Variants in TAOK3 observed in about 807,000 individuals in gnomAD.
TAOK3 encodes TAO kinase 3, also known as serine/threonine-protein kinase TAO3.
Under a neutral mutation model 120.4 loss-of-function variants are expected in TAOK3, and 40 were observed. The ratio of observed to expected loss-of-function variants is 0.33; its 90% CI spans 0.26 to 0.43. The LOEUF (loss-of-function observed/expected upper bound fraction) is 0.43. Among genes scored for constraint, TAOK3 ranks in the 20% least tolerant of loss-of-function variants. The pLI, the probability that TAOK3 is intolerant of heterozygous loss-of-function variation, is 1.00. For missense variants in TAOK3, 821 were observed against 1,112.1 expected, an observed-to-expected ratio of 0.74 and a Z score of 3.72; for synonymous variants, 355 against 387.5, an observed-to-expected ratio of 0.92 and a Z score of 0.99.
intron 1 of TAOK3, among the ~76,000 whole-genome samples, chr12:118,342,935 T>C: frequency 1.7e-5 from 1 of 59,686 alleles, no homozygotes; most frequent in South Asian, 6.1e-4. Flanking sequence ...CTCTGTCTGC[T>C]AAAAAAAAAA....
chr12:118,285,880 T>C (rs1461260257), intron 1 of TAOK3, among the ~76,000 whole-genome samples: 1 of 152,136 alleles, frequency 6.6e-6, no homozygotes, highest in African/African-American at 2.4e-5. Flanking sequence ...AGATGAATAT[T>C]GGTTTGGCCT....
chr12:118,173,599 T>C (rs1203343045), intron 16 of TAOK3, among the ~76,000 whole-genome samples: 3 of 152,224 alleles, frequency 2.0e-5, no homozygotes, highest in Non-Finnish European at 2.9e-5. Context: ...ATGTCACTAG[T>C]TTGAATTTTA....
intron 1 of TAOK3, among the ~76,000 whole-genome samples, chr12:118,321,829 G>A (rs1447441783): frequency 1.3e-5 from 2 of 151,844 alleles, no homozygotes; most frequent in East Asian, 3.9e-4. Flanking sequence ...TTTTATTTTT[G>A]CAAGTTTTTT....
intron 17 of TAOK3, among the ~76,000 whole-genome samples, chr12:118,167,816 A>G (rs1372601743): frequency 6.6e-6 from 1 of 152,140 alleles, no homozygotes; most frequent in Admixed American, 6.5e-5. Flanking sequence ...CAAAGACAAA[A>G]AGTGGTTGGA....
intron 13 of TAOK3, among the ~76,000 whole-genome samples, chr12:118,196,899 A>G (rs1002392914): frequency 1.1e-4 from 17 of 152,344 alleles, no homozygotes; most frequent in Admixed American, 9.1e-4. Flanking sequence ...GTAAAATAAA[A>G]CTAACAGAGG....
At chr12:118,205,114 G>A (rs1386261114) in intron 11 of TAOK3, among the ~76,000 whole-genome samples, 1 of 152,072 alleles carries the variant, frequency 6.6e-6, no homozygotes, top group Non-Finnish European at 1.5e-5. Context: ...AGGCTGAAGT[G>A]AGCCGAGATC....
intron 5 of TAOK3, among the ~76,000 whole-genome samples, chr12:118,240,923 T>C (rs762774204): frequency 6.6e-6 from 1 of 151,276 alleles, no homozygotes; most frequent in African/African-American, 2.4e-5. Context: ...ATTTAGAATA[T>C]GTGATGTCTA....
rs2045878901 is a variant in TAOK3 at position 118,371,109 on chromosome 12, G to A, written c.-194+1539C>T. Among the ~76,000 whole-genome samples the A allele has an allele frequency of 6.6e-6, 1 of 152,156 alleles. No individual in the cohort carries two copies. On this transcript the variant is annotated intron_variant, in intron 1 of 20. Transcript: ENST00000392533. The surrounding 1 kb of genome is among the most constrained non-coding windows in gnomAD (Gnocchi z 5.5). The stretch of plus-strand genomic sequence containing the variant: ...GCATTGTAAACATTGATACTGATAT[G>A]CTGCCAAATCTAAAAAAGTTTCTTA...
chr12:118,281,763 A>G (rs897874632), intron 1 of TAOK3, among the ~76,000 whole-genome samples: 1 of 151,990 alleles, frequency 6.6e-6, no homozygotes, highest in Admixed American at 6.5e-5. Context: ...AGAAAAAAAA[A>G]AAAGAAAAAA....
intron 9 of TAOK3, among the ~76,000 whole-genome samples, chr12:118,220,665 C>T (rs960380163): frequency 5.9e-5 from 9 of 151,884 alleles, no homozygotes; most frequent in Non-Finnish European, 1.0e-4. Context: ...AGAACAAAAA[C>T]ACAAAGAAAA....
intron 14 of TAOK3, among the ~76,000 whole-genome samples, chr12:118,183,683 ATACC>A (rs2036905037): frequency 6.6e-6 from 1 of 152,220 alleles, no homozygotes; most frequent in Non-Finnish European, 1.5e-5. Context: ...AATGGAAAGG[ATACC>A]ATTTAGTCCT....
At chr12:118,301,038 A>T (rs1341386321) in intron 1 of TAOK3, among the ~76,000 whole-genome samples, 8 of 152,162 alleles carry the variant, frequency 5.3e-5, no homozygotes, top group Admixed American at 5.2e-4. Context: ...AGCCTCCCAA[A>T]GTGCTGGGAT....
intron 14 of TAOK3, among the ~76,000 whole-genome samples, chr12:118,187,022 T>C (rs2037117889): frequency 6.6e-6 from 1 of 152,234 alleles, no homozygotes; most frequent in African/African-American, 2.4e-5. Flanking sequence ...TAGGCTTATG[T>C]TGAAGAAGTA....
At chr12:118,168,525 C>T (rs1236177830) in intron 17 of TAOK3, among the ~76,000 whole-genome samples, 2 of 152,158 alleles carry the variant, frequency 1.3e-5, no homozygotes, top group African/African-American at 4.8e-5. Context: ...AGAACTTTCA[C>T]TACTTAGCTT....
At chr12:118,326,718 T>A (rs976080258) in intron 1 of TAOK3, among the ~76,000 whole-genome samples, 1 of 152,198 alleles carries the variant, frequency 6.6e-6, no homozygotes, top group Admixed American at 6.5e-5. Context: ...ATTAGGCAGT[T>A]TATTAGTTCT....
At chr12:118,277,800 A>T (rs1203601714) in intron 1 of TAOK3, among the ~76,000 whole-genome samples, 1 of 152,116 alleles carries the variant, frequency 6.6e-6, no homozygotes, top group East Asian at 1.9e-4. Flanking sequence ...AAATGAAAAC[A>T]TAACATTAAA....
At chr12:118,215,790 A>G (rs1007198780) in intron 9 of TAOK3, among the ~76,000 whole-genome samples, 3 of 152,148 alleles carry the variant, frequency 2.0e-5, no homozygotes, top group African/African-American at 4.8e-5. Flanking sequence ...CAGTGGCACA[A>G]TCAGGGCTCA....
At position 118,233,734 on chromosome 12, in the gene TAOK3, C is replaced by A; in HGVS notation, c.583G>T (p.Glu195Ter). The A allele has an allele frequency of 6.2e-7, 1 of 1,608,254 alleles. No homozygotes were observed. Among genetic ancestry groups the A allele is most frequent in the Non-Finnish European group, 8.5e-7 (1 of 1,177,634 alleles). ...TCAACTTTCCCATCATACTGTCCTT[C>A]ATCCATAGCTAAGATCACCTCTGGA... Reference protein sequence around the residue: ...MAPEVILAMDEGQYDGKVDIW... With the variant: ...MAPEVILAMD The change falls in exon 9 of 21, where the codon GAA (glutamate) becomes TAA (stop). Residue 195 changes from glutamate to a stop codon, truncating the protein, a stop_gained. Transcript: ENST00000392533. LOFTEE classifies it high-confidence loss of function.
intron 3 of TAOK3, among the ~76,000 whole-genome samples, chr12:118,247,540 G>T (rs1161729396): frequency 6.6e-6 from 1 of 151,428 alleles, no homozygotes; most frequent in Non-Finnish European, 1.5e-5. Context: ...TTTAAGACAG[G>T]ATCTTGCTCT....
Sources: gnomAD v4.1 joint callset for allele counts (sites outside exome capture counted in the v4.1 genomes callset) on GRCh38, gnomAD v4.1.1 for gene constraint, Gnocchi (gnomAD v3.1) non-coding constraint, MANE v1.5 for transcripts, NCBI Gene and HGNC (gene_info 2026-07-23, HGNC 2026-07-21) for gene names.